COA8: variants seen among roughly 807,000 people sequenced by gnomAD.
COA8 encodes cytochrome c oxidase assembly factor 8.
Under a neutral mutation model 22.0 loss-of-function variants are expected in COA8, and 20 were observed. The observed-to-expected ratio is 0.91, with a 90% CI of 0.64 to 1.32. COA8 has a LOEUF of 1.32. Ranked by LOEUF, COA8 falls within the 40% of genes most tolerant of loss-of-function variation. The pLI is 0.00. For missense variants in COA8, 266 were observed against 230.0 expected (o/e 1.16, Z -1.01); for synonymous variants, 105 against 79.9 (o/e 1.31, Z -1.68).
At chr14:103,584,267 A>C (rs1158892312) in intron 3 of COA8, among the ~76,000 whole-genome samples, 1 of 152,076 alleles carries the variant, frequency 6.6e-6, no homozygotes, top group Non-Finnish European at 1.5e-5. Context: ...ATTTTTATGG[A>C]GGTCTCATGA....
Position 103,581,367 on chromosome 14 carries a change from T to C in COA8, c.386-5907T>C, listed in dbSNP as rs999519603. ...CACAAGCACTGCTGTACGACGACAGTGGATCTGATCACCGAGACGGCTGCT... is the reference window on the plus strand; with the variant it reads ...CACAAGCACTGCTGTACGACGACAGCGGATCTGATCACCGAGACGGCTGCT... On this transcript the variant is annotated intron_variant, in intron 3 of 4. Coordinates refer to ENST00000409074, the MANE Select transcript of COA8 (RefSeq NM_001370595.2). This position sits in a 1 kb window ranked among gnomAD's most constrained non-coding sequence, Gnocchi z 4.1. 2.0e-5 allele frequency among the ~76,000 whole-genome samples: 3 copies of C among 152,018 alleles called. No homozygotes were observed. The highest frequency in any genetic ancestry group is 7.2e-5 in the African/African-American group (3 of 41,380).
intron 3 of COA8, among the ~76,000 whole-genome samples, chr14:103,577,378 C>T (rs1272287772): frequency 6.6e-6 from 1 of 151,976 alleles, no homozygotes; most frequent in Non-Finnish European, 1.5e-5. Flanking sequence ...GCCCAGCCTA[C>T]AGTGCATATG....
At chr14:103,567,985 C>T (rs987390570) in intron 1 of COA8, among the ~76,000 whole-genome samples, 4 of 152,148 alleles carry the variant, frequency 2.6e-5, no homozygotes, top group African/African-American at 7.2e-5. Context: ...ATTGCTGGAT[C>T]GGGTTTGCGG....
intron 4 of COA8, 136 bp downstream of exon 4, chr14:103,587,500 CTTTTTTT>C (rs2076317128): frequency 2.3e-6 from 1 of 438,862 alleles, no homozygotes; most frequent in African/African-American, 2.2e-5. Context: ...TTTTTTTTTT[CTTTTTTT>C]CTTTTTTTTT....
At chr14:103,583,314 CG>C (rs1165929439) in intron 3 of COA8, among the ~76,000 whole-genome samples, 2 of 151,798 alleles carry the variant, frequency 1.3e-5, no homozygotes, top group East Asian at 3.9e-4. Context: ...CCAAGGTGGG[CG>C]GATCACTTGA....
intron 2 of COA8, among the ~76,000 whole-genome samples, chr14:103,572,125 C>CA (rs1041953893): frequency 0.032 from 3,205 of 99,172 alleles, 110 homozygotes; most frequent in African/African-American, 0.11. Flanking sequence ...AGACTCGTCT[C>CA]AAAAAAAAAA....
intron 3 of COA8, among the ~76,000 whole-genome samples, chr14:103,575,828 T>C (rs1189268826): frequency 1.3e-5 from 2 of 152,044 alleles, no homozygotes; most frequent in Non-Finnish European, 2.9e-5. Context: ...GCCTCCCAAG[T>C]AGCTAGGACT....
At chr14:103,578,106 A>T (rs2076242437) in intron 3 of COA8, among the ~76,000 whole-genome samples, 1 of 148,494 alleles carries the variant, frequency 6.7e-6, no homozygotes, top group Non-Finnish European at 1.5e-5. Flanking sequence ...AGGTGGGAGG[A>T]TCACTTGAGC....
chr14:103,569,676 G>C (rs1050680444), intron 1 of COA8, among the ~76,000 whole-genome samples: 3 of 152,220 alleles, frequency 2.0e-5, no homozygotes, highest in African/African-American at 4.8e-5. Context: ...CACAGTCTAG[G>C]GGGGTGGACC....
At position 103,563,014 on chromosome 14, in the gene COA8, C is replaced by A. The variant is rs764835134; in HGVS notation, c.13C>A (p.Arg5=). 1.8e-5 allele frequency: 28 copies of A among 1,557,032 alleles called. No homozygotes were observed. Among genetic ancestry groups the A allele is most frequent in the Non-Finnish European group, 2.2e-5 (26 of 1,157,556 alleles). The stretch of plus-strand genomic sequence containing the variant: ...GGGGCGTGGGGCCATGGTGGTCTTG[C>A]GGGCGGGGAAGAAGACCTTTCTCCC... MVVL[R]AGKKTFLPPL... Residue 5 remains arginine, a synonymous_variant, in exon 1 of 5, where the codon CGG becomes AGG. Coordinates refer to ENST00000409074, the MANE Select transcript of COA8 (RefSeq NM_001370595.2).
At chr14:103,573,783 C>T (rs1213974582) in intron 2 of COA8, among the ~76,000 whole-genome samples, 2 of 152,102 alleles carry the variant, frequency 1.3e-5, no homozygotes, top group African/African-American at 2.4e-5. Context: ...GAACTCCTGA[C>T]CTCAGGTGAT....
chr14:103,574,345 C>T (rs2142288317), intron 3 of COA8, 175 bp downstream of exon 3: 1 of 832,728 alleles, frequency 1.2e-6, no homozygotes, highest in East Asian at 2.6e-5. Context: ...AGTTCCCAGG[C>T]ATGGCTCTCC....
In COA8 at chr14:103,587,416, A is replaced by G. The variant is rs779482530; in HGVS notation, c.476+52A>G. ...TTTGAATAGCACATCCAGATTAGGT[A>G]GGAGTGTTTTCTTACCTGAATTTAA... On this transcript the variant is annotated intron_variant, in intron 4 of 4. Transcript: ENST00000409074. 16 of 1,286,676 alleles carry G rather than the reference A, an allele frequency of 1.2e-5. 1 individual carries two copies. The South Asian group carries it at 2.2e-4, about 17-fold the overall frequency. 79.7% of individuals were successfully genotyped at this position (1,286,676 alleles called of 1,614,324 possible). A position where few individuals can be genotyped will look rare whatever the true frequency, so the allele number is the denominator to read the frequency against.
intron 1 of COA8, among the ~76,000 whole-genome samples, chr14:103,568,466 TAC>T (rs200190691): frequency 0.013 from 1,931 of 151,158 alleles, 17 homozygotes; most frequent in African/African-American, 0.018. Flanking sequence ...CATACATACA[TAC>T]ACACACACAT....
intron 3 of COA8, among the ~76,000 whole-genome samples, chr14:103,584,887 C>T (rs1345510142): frequency 6.6e-6 from 1 of 151,976 alleles, no homozygotes. Context: ...CTCCTGTAAT[C>T]CCAGCACTCT....
Position 103,577,983 on chromosome 14 carries a change from C to T in COA8, c.385+3813C>T, listed in dbSNP as rs1039504960. Among the ~76,000 whole-genome samples, 8 of 144,910 alleles carry T rather than the reference C, an allele frequency of 5.5e-5. No homozygotes were observed. The East Asian group carries it at 1.2e-3, about 22-fold the overall frequency. ...AAGTTGCACTGAACCGAGATTGCAC[C>T]ATTGCACTCCAGCCTGGGCAGCAAG... is the stretch of plus-strand genomic sequence containing the variant. On this transcript the variant is annotated intron_variant, in intron 3 of 4. Coordinates refer to ENST00000409074, the MANE Select transcript of COA8 (RefSeq NM_001370595.2).
intron 3 of COA8, among the ~76,000 whole-genome samples, chr14:103,584,228 G>A (rs968938906): frequency 3.9e-5 from 6 of 152,106 alleles, no homozygotes; most frequent in Admixed American, 6.6e-5. Context: ...TCAGTAGCCC[G>A]GATGCTCTCT....
At chr14:103,587,500 CTTTTTTTCTTTTTTTTTTTT>C (rs1253716716) in intron 4 of COA8, 136 bp downstream of exon 4, 10 of 439,126 alleles carry the variant, frequency 2.3e-5, no homozygotes, top group Non-Finnish European at 3.5e-5. Flanking sequence ...TTTTTTTTTT[CTTTTTTTCTTTTTTTTTTTT>C]TTTTTGAGAC....
chr14:103,571,866 G>A lies in COA8; in HGVS notation c.321+46G>A, dbSNP rs558849529. On this transcript the variant is annotated intron_variant, in intron 2 of 4. Coordinates refer to ENST00000409074, the MANE Select transcript of COA8 (RefSeq NM_001370595.2). ...AGAACGGAAGGGTGCGGTGGCTCAC[G>A]CCTGTAATCCCAGCACTTCGGGATG... is the stretch of plus-strand genomic sequence containing the variant. 75 of 1,540,178 alleles carry A rather than the reference G, an allele frequency of 4.9e-5. No individual in the cohort carries two copies. The South Asian group carries it at 6.8e-4, about 14-fold the overall frequency.
Sources: allele counts gnomAD v4.1 joint callset (sites outside exome capture counted in the v4.1 genomes callset), GRCh38; gene constraint gnomAD v4.1.1; non-coding constraint Gnocchi (gnomAD v3.1); transcripts MANE v1.5; gene names NCBI Gene and HGNC (gene_info 2026-07-23, HGNC 2026-07-21).